The following GLIS3 variants were observed in gnomAD, a reference collection of about 807,000 sequenced individuals.
GLIS3 encodes GLIS family zinc finger 3.
A neutral mutation model predicts 78.6 loss-of-function variants in GLIS3; 53 were observed. The observed-to-expected ratio is 0.67, with a 90% CI of 0.54 to 0.85. The LOEUF is 0.85. GLIS3 is among the 40% of genes least tolerant of loss of function. The pLI is 0.00. For synonymous variants in GLIS3, 684 were observed against 509.9 expected (o/e 1.34, Z -4.60); for missense variants, 1,703 against 1,231.1 (o/e 1.38, Z -5.74).
At chr9:4,208,076 T>C (rs1820040573) in intron 2 of GLIS3, among the ~76,000 whole-genome samples, 1 of 152,192 alleles carries the variant, frequency 6.6e-6, no homozygotes, top group Non-Finnish European at 1.5e-5. Context: ...ATTAACCTCT[T>C]TGCCTGCCAA....
intron 2 of GLIS3, among the ~76,000 whole-genome samples, chr9:4,327,616 G>A (rs990562446): frequency 2.0e-5 from 3 of 152,204 alleles, no homozygotes; most frequent in Non-Finnish European, 4.4e-5. Context: ...GCTTTGTGAA[G>A]CTGGCCGGAA....
At chr9:3,843,957 A>G (rs1818882819) in intron 9 of GLIS3, among the ~76,000 whole-genome samples, 1 of 152,228 alleles carries the variant, frequency 6.6e-6, no homozygotes, top group Admixed American at 6.5e-5. Context: ...TGTAAGGCCT[A>G]GTTCTCAAAG....
the GLIS3 span, among the ~76,000 whole-genome samples, chr9:4,395,643 T>G: frequency 6.6e-6 from 1 of 152,226 alleles, no homozygotes; most frequent in African/African-American, 2.4e-5. Flanking sequence ...ATCTCCAGCC[T>G]TTGCCAAGTG....
chr9:3,929,686 G>A (rs1825496216), intron 6 of GLIS3, among the ~76,000 whole-genome samples: 1 of 152,104 alleles, frequency 6.6e-6, no homozygotes, highest in South Asian at 2.1e-4. Context: ...ACAGAAAAGG[G>A]TTTTATTCTT....
chr9:4,112,266 T>A (rs1831277562), intron 4 of GLIS3, among the ~76,000 whole-genome samples: 1 of 152,188 alleles, frequency 6.6e-6, no homozygotes, highest in Non-Finnish European at 1.5e-5. Context: ...TCTAATATCT[T>A]ATCTCGTCTC....
chr9:4,276,563 G>GCA (rs1370511488), intron 2 of GLIS3, among the ~76,000 whole-genome samples: 1 of 140,894 alleles, frequency 7.1e-6, no homozygotes, highest in African/African-American at 2.6e-5. Context: ...GGAGGGGAGG[G>GCA]GAGGGAAGAG....
At chr9:3,946,811 T>G (rs770371096) in intron 4 of GLIS3, among the ~76,000 whole-genome samples, 2 of 152,212 alleles carry the variant, frequency 1.3e-5, no homozygotes, top group Non-Finnish European at 2.9e-5. Context: ...GAAAAGAAAC[T>G]GTTTTAAATT....
At chr9:3,968,763 T>C (rs552945324) in intron 4 of GLIS3, among the ~76,000 whole-genome samples, 1 of 152,326 alleles carries the variant, frequency 6.6e-6, no homozygotes, top group East Asian at 1.9e-4. Flanking sequence ...GATCAAGTAA[T>C]AGTACATTTC....
chr9:3,864,478 T>C (rs185301112), intron 8 of GLIS3, among the ~76,000 whole-genome samples: 233 of 152,316 alleles, frequency 1.5e-3, no homozygotes, highest in African/African-American at 5.4e-3. Flanking sequence ...CACTAGTCTC[T>C]TGAACACACC....
At chr9:3,966,309 A>G (rs1817927168) in intron 4 of GLIS3, among the ~76,000 whole-genome samples, 1 of 152,246 alleles carries the variant, frequency 6.6e-6, no homozygotes, top group African/African-American at 2.4e-5. Flanking sequence ...TATTGTAATC[A>G]GCAGGAGCAA....
At chr9:4,132,774 G>T (rs1242250704) in intron 2 of GLIS3, among the ~76,000 whole-genome samples, 1 of 152,102 alleles carries the variant, frequency 6.6e-6, no homozygotes, top group Admixed American at 6.5e-5. Flanking sequence ...GATCATACGA[G>T]AGCAATTTCT....
chr9:4,428,033 A>C, the GLIS3 span, among the ~76,000 whole-genome samples: 1 of 152,236 alleles, frequency 6.6e-6, no homozygotes, highest in East Asian at 1.9e-4. Context: ...CAATCAGAAA[A>C]AAAGAAATTT....
chr9:4,026,730 C>T (rs1050208818), intron 4 of GLIS3, among the ~76,000 whole-genome samples: 4 of 152,166 alleles, frequency 2.6e-5, no homozygotes, highest in African/African-American at 9.7e-5. Flanking sequence ...TTAAGATATG[C>T]ATTAAAGCAC....
rs1275117324 is a variant in GLIS3 at position 4,008,900 on chromosome 9, A to ACTTTATT, written c.1711-71712_1711-71711insAATAAAG. Among the ~76,000 whole-genome samples the ACTTTATT allele has an allele frequency of 6.6e-5, 10 of 152,102 alleles. No homozygotes were observed. The East Asian group carries it at 1.9e-3, about 29-fold the overall frequency. On this transcript the variant is annotated intron_variant, in intron 4 of 10. Transcript: ENST00000381971. The stretch of plus-strand genomic sequence containing the variant: ...CACGGTTATGCACTTGACCCAGCAG[A>ACTTTATT]GTCAGAAGTAAAATTCAGGTCCCCT...
At chr9:4,188,295 C>T (rs1461747822) in intron 2 of GLIS3, among the ~76,000 whole-genome samples, 2 of 150,698 alleles carry the variant, frequency 1.3e-5, no homozygotes, top group Non-Finnish European at 3.0e-5. Context: ...TGCTGGATTA[C>T]ATTTATTGAT....
chr9:4,316,384 C>T (rs1817436998), intron 2 of GLIS3, among the ~76,000 whole-genome samples: 2 of 152,184 alleles, frequency 1.3e-5, no homozygotes, highest in African/African-American at 2.4e-5. Flanking sequence ...TGCAAGTCAA[C>T]AGATATTTTA....
chr9:4,367,304 C>CT, the GLIS3 span, among the ~76,000 whole-genome samples: 1 of 152,150 alleles, frequency 6.6e-6, no homozygotes, highest in Non-Finnish European at 1.5e-5. Context: ...ATTGCTGCCC[C>CT]TGTTTGGGAT....
At chr9:4,401,077 C>T in the GLIS3 span, among the ~76,000 whole-genome samples, 1 of 152,134 alleles carries the variant, frequency 6.6e-6, no homozygotes, top group Non-Finnish European at 1.5e-5. Context: ...GGCACCAGCT[C>T]AGCCACAGTA....
the GLIS3 span, among the ~76,000 whole-genome samples, chr9:4,466,345 G>T: frequency 1.3e-5 from 2 of 152,126 alleles, no homozygotes; most frequent in African/African-American, 2.4e-5. Flanking sequence ...AGGCCCAGAT[G>T]GCTTCACTGA....
Sources: gnomAD v4.1 joint callset for allele counts (sites outside exome capture counted in the v4.1 genomes callset) on GRCh38, gnomAD v4.1.1 for gene constraint, MANE v1.5 for transcripts, NCBI Gene and HGNC (gene_info 2026-07-23, HGNC 2026-07-21) for gene names.